The following AGBL1 variants were observed in gnomAD, a reference collection of about 807,000 sequenced individuals.
AGBL1 encodes the protein AGBL carboxypeptidase 1.
Under a neutral mutation model 118.9 loss-of-function variants are expected in AGBL1, and 130 were observed. The observed-to-expected ratio is 1.09, with a 90% confidence interval of 0.95 to 1.26. AGBL1 has a LOEUF of 1.26. AGBL1 is among the 50% of genes most tolerant of loss of function. The probability of loss-of-function intolerance (pLI) is 0.00; values close to 1 mark genes in which losing one functional copy is unlikely to be tolerated. For missense variants in AGBL1, 1,584 were observed against 1,298.1 expected (o/e 1.22, Z -3.38); for synonymous variants, 555 against 478.9 (o/e 1.16, Z -2.08).
intron 18 of AGBL1, among the ~76,000 whole-genome samples, chr15:86,450,393 T>A (rs2082178656): frequency 6.6e-6 from 1 of 152,184 alleles, no homozygotes; most frequent in South Asian, 2.1e-4. Flanking sequence ...CTGGGTCGGA[T>A]GTACAGTCAG....
chr15:86,701,293 G>A (rs2086353941), intron 22 of AGBL1, among the ~76,000 whole-genome samples: 1 of 152,066 alleles, frequency 6.6e-6, no homozygotes, highest in Non-Finnish European at 1.5e-5. Flanking sequence ...GTGTGTGTTG[G>A]AGGTTTCATT....
chr15:86,587,751 C>T (rs536119076), intron 21 of AGBL1, among the ~76,000 whole-genome samples: 80 of 152,192 alleles, frequency 5.3e-4, no homozygotes, highest in South Asian at 1.7e-3. Flanking sequence ...CACATGCAAC[C>T]GCAGAAAGTG....
Position 86,500,548 on chromosome 15 carries a change from A to G in AGBL1, c.2556-22262A>G, listed in dbSNP as rs560695856. 7.9e-5 allele frequency among the ~76,000 whole-genome samples: 12 copies of G among 151,872 alleles called. No individual in the cohort carries two copies. The East Asian group carries it at 2.3e-3, about 29-fold the overall frequency. ...ATACCATTGCTATTCAGTTATTTCAAGTGGGTAAAGTGGTTTTTAACATAT... is the reference window on the plus strand; with the variant it reads ...ATACCATTGCTATTCAGTTATTTCAGGTGGGTAAAGTGGTTTTTAACATAT... On this transcript the variant is annotated intron_variant, in intron 18 of 22. Transcript: ENST00000614907.
chr15:86,412,550 G>C (rs191766023), intron 18 of AGBL1, among the ~76,000 whole-genome samples: 92 of 152,214 alleles, frequency 6.0e-4, no homozygotes, highest in Middle Eastern at 3.4e-3. Context: ...AGTTGCTCTT[G>C]AGTGTGGAAG....
At chr15:86,149,995 A>G (rs1025310636) in intron 3 of AGBL1, among the ~76,000 whole-genome samples, 4 of 152,212 alleles carry the variant, frequency 2.6e-5, no homozygotes, top group Non-Finnish European at 4.4e-5. Flanking sequence ...GCACAACTAC[A>G]TGGAAACTGA....
chr15:86,517,569 G>A (rs1038781969), intron 18 of AGBL1, among the ~76,000 whole-genome samples: 1 of 152,184 alleles, frequency 6.6e-6, no homozygotes, highest in African/African-American at 2.4e-5. Context: ...CCATTTCTGG[G>A]CTCTGGGGTG....
chr15:86,183,394 G>A (rs1444683062), intron 5 of AGBL1, among the ~76,000 whole-genome samples: 1 of 152,084 alleles, frequency 6.6e-6, no homozygotes, highest in East Asian at 1.9e-4. Flanking sequence ...TATAAACAGG[G>A]ATAATGAGTC....
chr15:86,256,044 CA>C (rs1284139011), intron 7 of AGBL1, among the ~76,000 whole-genome samples: 1 of 152,060 alleles, frequency 6.6e-6, no homozygotes, highest in Admixed American at 6.5e-5. Flanking sequence ...TGGGGGACCC[CA>C]CAAGTCATCT....
intron 19 of AGBL1, among the ~76,000 whole-genome samples, chr15:86,526,544 GTATATA>G (rs1555422465): frequency 6.8e-4 from 81 of 119,438 alleles, no homozygotes; most frequent in African/African-American, 2.4e-3. Context: ...TTGTGTCTGT[GTATATA>G]TATATATATA....
At chr15:86,817,626 TACACACAC>T (rs762608485) in intron 22 of AGBL1, among the ~76,000 whole-genome samples, 2 of 98,122 alleles carry the variant, frequency 2.0e-5, no homozygotes, top group African/African-American at 7.9e-5. Context: ...GAGACAGGCA[TACACACAC>T]ACACACACAC....
chr15:86,402,015 A>G (rs2081453968), intron 18 of AGBL1, among the ~76,000 whole-genome samples: 1 of 151,964 alleles, frequency 6.6e-6, no homozygotes, highest in Non-Finnish European at 1.5e-5. Context: ...TGGGAATTAC[A>G]TTGAGTCTGT....
At chr15:86,273,726 G>T (rs1398694809) in intron 15 of AGBL1, among the ~76,000 whole-genome samples, 5 of 152,084 alleles carry the variant, frequency 3.3e-5, no homozygotes, top group African/African-American at 4.8e-5. Context: ...TAGATACTCT[G>T]CTCTATTTCT....
chr15:86,897,764 C>CTTTTTTTTTTTTTTTTTTTT (rs71460231), intron 22 of AGBL1, among the ~76,000 whole-genome samples: 1 of 80,622 alleles, frequency 1.2e-5, no homozygotes, highest in Non-Finnish European at 2.2e-5. Context: ...CATCTTTTAT[C>CTTTTTTTTTTTTTTTTTTTT]TTTTTTTTTT....
intron 1 of AGBL1, among the ~76,000 whole-genome samples, chr15:86,135,701 G>A (rs1213281100): frequency 6.6e-6 from 1 of 152,166 alleles, no homozygotes. Context: ...TGCTCTAGAG[G>A]AGCTCACAGT....
intron 24 of AGBL1, among the ~76,000 whole-genome samples, chr15:86,999,162 C>G (rs8031448): frequency 6.7e-6 from 1 of 149,922 alleles, no homozygotes; most frequent in Non-Finnish European, 1.5e-5. Context: ...GCTTCATCCA[C>G]GTCCCTACAA....
chr15:86,508,143 C>G (rs531830395), intron 18 of AGBL1, among the ~76,000 whole-genome samples: 1 of 151,388 alleles, frequency 6.6e-6, no homozygotes, highest in Non-Finnish European at 1.5e-5. Flanking sequence ...AGGATGATCT[C>G]GATCTCTTGA....
At chr15:86,488,705 C>T (rs1164644111) in intron 18 of AGBL1, among the ~76,000 whole-genome samples, 2 of 152,036 alleles carry the variant, frequency 1.3e-5, no homozygotes, top group Non-Finnish European at 2.9e-5. Context: ...ACATACCTGT[C>T]CTCCTTGCTT....
intron 22 of AGBL1, among the ~76,000 whole-genome samples, chr15:86,689,359 A>G (rs923712136): frequency 1.4e-4 from 22 of 152,142 alleles, no homozygotes; most frequent in Non-Finnish European, 3.1e-4. Flanking sequence ...ATTTAGTATT[A>G]TCTGTCTCCT....
chr15:86,191,019 C>T (rs770466916), intron 5 of AGBL1, among the ~76,000 whole-genome samples: 1 of 151,970 alleles, frequency 6.6e-6, no homozygotes, highest in Admixed American at 6.6e-5. Flanking sequence ...ACAGAATGAG[C>T]TGGTAAGAAA....
Sources: allele counts gnomAD v4.1 joint callset (sites outside exome capture counted in the v4.1 genomes callset), GRCh38; gene constraint gnomAD v4.1.1; transcripts MANE v1.5; gene names NCBI Gene and HGNC (gene_info 2026-07-23, HGNC 2026-07-21).